The following LMBRD1 variants were observed in gnomAD, a reference collection of about 807,000 sequenced individuals.
The protein encoded by LMBRD1 is lysosomal cobalamin transport escort protein LMBD1.
A neutral mutation model predicts 74.8 loss-of-function variants in LMBRD1; 64 were observed. The ratio of observed to expected loss-of-function variants is 0.86; its 90% CI spans 0.70 to 1.05. LMBRD1 has a LOEUF of 1.05. LMBRD1 is among the 50% of genes least tolerant of loss of function. The probability of loss-of-function intolerance (pLI) is 0.00; values close to 1 mark genes in which losing one functional copy is unlikely to be tolerated. For missense variants in LMBRD1, 652 were observed against 645.9 expected (o/e 1.01, Z -0.10); for synonymous variants, 204 against 216.3 (o/e 0.94, Z 0.50).
At chr6:69,760,412 A>T (rs1449066119) in intron 3 of LMBRD1, among the ~76,000 whole-genome samples, 3 of 152,222 alleles carry the variant, frequency 2.0e-5, no homozygotes, top group Non-Finnish European at 4.4e-5. Flanking sequence ...GATTAACACA[A>T]ACTAAATTTA....
chr6:69,691,014 T>C (rs558118121), intron 14 of LMBRD1, among the ~76,000 whole-genome samples: 18 of 152,274 alleles, frequency 1.2e-4, no homozygotes, highest in African/African-American at 4.3e-4. Context: ...TCCAAACTCT[T>C]ATGTCTCCTC....
At chr6:69,728,233 C>G (rs949163609) in intron 7 of LMBRD1, among the ~76,000 whole-genome samples, 1 of 152,048 alleles carries the variant, frequency 6.6e-6, no homozygotes, top group Non-Finnish European at 1.5e-5. Flanking sequence ...GAACTCTATC[C>G]CAAGACAGTA....
chr6:69,705,207 TA>T, intron 9 of LMBRD1: 1 of 587,296 alleles, frequency 1.7e-6, no homozygotes, highest in African/African-American at 1.8e-5. Flanking sequence ...CTCTGCATTA[TA>T]AAAAGGACAG....
At chr6:69,771,383 T>A (rs1765574566) in intron 3 of LMBRD1, among the ~76,000 whole-genome samples, 1 of 152,176 alleles carries the variant, frequency 6.6e-6, no homozygotes, top group Non-Finnish European at 1.5e-5. Flanking sequence ...TTGGTTAATA[T>A]GAGCAAGCAA....
intron 5 of LMBRD1, among the ~76,000 whole-genome samples, chr6:69,745,383 C>A (rs371734151): frequency 0.021 from 3,123 of 151,316 alleles, 58 homozygotes; most frequent in Non-Finnish European, 0.031. Flanking sequence ...CTCAGCCTCC[C>A]GAGTAGCTGG....
intron 6 of LMBRD1, among the ~76,000 whole-genome samples, chr6:69,741,480 G>A (rs1036427810): frequency 2.0e-5 from 3 of 151,768 alleles, no homozygotes; most frequent in African/African-American, 7.3e-5. Flanking sequence ...CCACCTCCCA[G>A]GTTCAACCGA....
At chr6:69,767,473 G>A (rs1404278472) in intron 3 of LMBRD1, among the ~76,000 whole-genome samples, 2 of 151,734 alleles carry the variant, frequency 1.3e-5, no homozygotes, top group African/African-American at 2.4e-5. Flanking sequence ...TTAGAAGTAT[G>A]TGGTTTAAAT....
chr6:69,793,411 G>A (rs565120225), intron 1 of LMBRD1, among the ~76,000 whole-genome samples: 16 of 152,278 alleles, frequency 1.1e-4, no homozygotes, highest in Non-Finnish European at 1.9e-4. Context: ...TAGGACTGGG[G>A]TCACATATTT....
rs79256161 is a variant in LMBRD1 at position 69,736,959 on chromosome 6, A to C, written c.636+983T>G. Among the ~76,000 whole-genome samples, 1,520 of 152,268 alleles carry C rather than the reference A, an allele frequency of 1.0e-2. 57 individuals are homozygous for C. The highest frequency in any genetic ancestry group is 0.068 in the Admixed American group (1,034 of 15,292). ...ATGTGGTATCACATAAAAACACAAA[A>C]ATTTCAATGAATAATAAAACTGAGT... On this transcript the variant is annotated intron_variant, in intron 7 of 15. Transcript: ENST00000649934.
chr6:69,728,685 G>A (rs1766789021), intron 7 of LMBRD1, among the ~76,000 whole-genome samples: 1 of 152,148 alleles, frequency 6.6e-6, no homozygotes, highest in Non-Finnish European at 1.5e-5. Context: ...CTGGTCTGCT[G>A]GTCTCAATTT....
At chr6:69,782,729 T>C (rs1765865671) in intron 2 of LMBRD1, among the ~76,000 whole-genome samples, 1 of 151,920 alleles carries the variant, frequency 6.6e-6, no homozygotes, top group South Asian at 2.1e-4. Flanking sequence ...TAGGAGGTTA[T>C]ATGCCTCTAC....
At chr6:69,719,197 G>A in intron 7 of LMBRD1, 116 bp from the exon 8 acceptor site, 1 of 914,452 alleles carries the variant, frequency 1.1e-6, no homozygotes, top group South Asian at 1.4e-5. Context: ...AAAGAGTACA[G>A]TCACTGAAAA....
intron 14 of LMBRD1, among the ~76,000 whole-genome samples, chr6:69,693,179 T>C (rs749792672): frequency 5.9e-5 from 9 of 152,118 alleles, no homozygotes; most frequent in Non-Finnish European, 1.2e-4. Context: ...CAGGATGAAT[T>C]AAGTAATATT....
intron 3 of LMBRD1, among the ~76,000 whole-genome samples, chr6:69,767,515 T>C (rs889439993): frequency 6.6e-6 from 1 of 151,856 alleles, no homozygotes; most frequent in Non-Finnish European, 1.5e-5. Context: ...AAGATTTTTT[T>C]CCATTGCTGG....
intron 14 of LMBRD1, among the ~76,000 whole-genome samples, chr6:69,681,831 T>C (rs866054366): frequency 6.6e-6 from 1 of 152,088 alleles, no homozygotes. Flanking sequence ...ATATATATCT[T>C]AACTGTATAC....
In LMBRD1 at chr6:69,743,947, A is replaced by G. The variant is rs558955225; in HGVS notation, c.474-2070T>C. On this transcript the variant is annotated intron_variant, in intron 5 of 15. Coordinates refer to ENST00000649934, the MANE Select transcript of LMBRD1 (RefSeq NM_018368.4). The stretch of plus-strand genomic sequence containing the variant: ...ATAAACCACTGTTCATTGACCAAAT[A>G]TCAGCCCCATAGACAAAGATCTATA... 4.6e-5 allele frequency among the ~76,000 whole-genome samples: 7 copies of G among 152,338 alleles called. 2 individuals are homozygous for G. The South Asian group carries it at 1.4e-3, about 32-fold the overall frequency.
At position 69,756,529 on chromosome 6, in the gene LMBRD1, A is replaced by G. The variant is rs6455341; in HGVS notation, c.308-4173T>C. On this transcript the variant is annotated intron_variant, in intron 3 of 15. Transcript: ENST00000649934. ...GAATGCAGAAACAACTAACATTATC[A>G]TACTTTACTTGTAGGAGTGAGGTAC... 7.0e-3 allele frequency among the ~76,000 whole-genome samples: 1,071 copies of G among 152,336 alleles called. 15 individuals carry two copies. Among genetic ancestry groups the G allele is most frequent in the African/African-American group, 0.022 (896 of 41,558 alleles).
At chr6:69,717,100 T>C (rs1766508661) in intron 8 of LMBRD1, among the ~76,000 whole-genome samples, 1 of 152,056 alleles carries the variant, frequency 6.6e-6, no homozygotes. Flanking sequence ...CATATATTAT[T>C]ATTTTACAGT....
chr6:69,748,030 A>C (rs1216660631), intron 5 of LMBRD1, among the ~76,000 whole-genome samples: 1 of 152,188 alleles, frequency 6.6e-6, no homozygotes, highest in Non-Finnish European at 1.5e-5. Flanking sequence ...TCACTGTTGC[A>C]AAGATTTGTA....
Sources: gnomAD v4.1 joint callset for allele counts (sites outside exome capture counted in the v4.1 genomes callset) on GRCh38, gnomAD v4.1.1 for gene constraint, MANE v1.5 for transcripts, NCBI Gene and HGNC (gene_info 2026-07-23, HGNC 2026-07-21) for gene names.